Variants in NRG3 observed in about 807,000 individuals in gnomAD.
NRG3 encodes the protein neuregulin 3, also known as pro-neuregulin-3, membrane-bound isoform.
Under a neutral mutation model 66.9 loss-of-function variants are expected in NRG3, and 31 were observed. The ratio of observed to expected loss-of-function variants is 0.46; its 90% confidence interval spans 0.35 to 0.63. The LOEUF is 0.63. NRG3 is among the 20% of genes least tolerant of loss of function. The pLI, the probability that NRG3 is intolerant of heterozygous loss-of-function variation, is 0.00. For synonymous variants in NRG3, 393 were observed against 359.4 expected, an observed-to-expected ratio of 1.09 and a Z score of -1.06; for missense variants, 910 against 878.9, an observed-to-expected ratio of 1.04 and a Z score of -0.45.
chr10:82,891,505 T>C (rs1012726532), intron 4 of NRG3, among the ~76,000 whole-genome samples: 1 of 152,064 alleles, frequency 6.6e-6, no homozygotes. Flanking sequence ...TCACACATCC[T>C]TGTTAGATTT....
intron 1 of NRG3, among the ~76,000 whole-genome samples, chr10:81,883,065 G>T (rs1340891593): frequency 6.6e-6 from 1 of 152,046 alleles, no homozygotes; most frequent in Non-Finnish European, 1.5e-5. Flanking sequence ...GTGCCCTTTT[G>T]TGCCATCCCT....
At chr10:82,587,636 A>G (rs1238062895) in intron 2 of NRG3, among the ~76,000 whole-genome samples, 3 of 152,164 alleles carry the variant, frequency 2.0e-5, no homozygotes, top group Admixed American at 6.5e-5. Context: ...CTCTGGATGA[A>G]TGGAACAACT....
At chr10:81,952,054 C>G (rs926387656) in intron 1 of NRG3, among the ~76,000 whole-genome samples, 1 of 151,252 alleles carries the variant, frequency 6.6e-6, no homozygotes, top group African/African-American at 2.4e-5. Context: ...TTCTCCCTCA[C>G]AGGTGGGAAT....
intron 1 of NRG3, among the ~76,000 whole-genome samples, chr10:81,934,301 G>A (rs1164303150): frequency 1.3e-5 from 2 of 152,164 alleles, no homozygotes; most frequent in African/African-American, 4.8e-5. Flanking sequence ...ATGATCAGCT[G>A]GAGAAGAGGC....
chr10:82,267,425 C>T (rs1038891468), intron 1 of NRG3, among the ~76,000 whole-genome samples: 5 of 152,148 alleles, frequency 3.3e-5, no homozygotes, highest in African/African-American at 7.2e-5. Flanking sequence ...AGTGGCAGGT[C>T]TCAAGAAAGG....
intron 2 of NRG3, among the ~76,000 whole-genome samples, chr10:82,627,071 G>T (rs2049479501): frequency 6.6e-6 from 1 of 151,684 alleles, no homozygotes; most frequent in Admixed American, 6.6e-5. Flanking sequence ...ATTTTAATAA[G>T]GCTGCTCCTG....
At chr10:82,563,108 C>T (rs2045160949) in intron 2 of NRG3, among the ~76,000 whole-genome samples, 3 of 152,042 alleles carry the variant, frequency 2.0e-5, no homozygotes, top group African/African-American at 7.2e-5. Context: ...AACATGGCAT[C>T]CAGATCCATA....
intron 1 of NRG3, among the ~76,000 whole-genome samples, chr10:82,147,136 C>A (rs1246410778): frequency 6.6e-6 from 1 of 152,164 alleles, no homozygotes; most frequent in African/African-American, 2.4e-5. Context: ...TTGGAGTAAG[C>A]AGATACCAAG....
At chr10:82,513,293 T>C (rs1845364960) in intron 2 of NRG3, among the ~76,000 whole-genome samples, 1 of 152,222 alleles carries the variant, frequency 6.6e-6, no homozygotes, top group Admixed American at 6.5e-5. Flanking sequence ...ACTTCATTCC[T>C]TTTTATGGCT....
chr10:82,902,462 CT>C (rs544011276), intron 4 of NRG3, among the ~76,000 whole-genome samples: 4 of 151,796 alleles, frequency 2.6e-5, no homozygotes, highest in Non-Finnish European at 5.9e-5. Context: ...GTCAAGGGGT[CT>C]TTTTTTATGT....
chr10:82,189,381 G>A (rs2074000306), intron 1 of NRG3, among the ~76,000 whole-genome samples: 1 of 152,068 alleles, frequency 6.6e-6, no homozygotes, highest in Admixed American at 6.6e-5. Flanking sequence ...TTTAGGCCAG[G>A]CACAGTGACT....
intron 2 of NRG3, among the ~76,000 whole-genome samples, chr10:82,517,130 A>G (rs1204583056): frequency 2.0e-5 from 3 of 152,038 alleles, no homozygotes; most frequent in African/African-American, 7.2e-5. Flanking sequence ...TCTATCTGAC[A>G]GATTTTTTTT....
intron 1 of NRG3, among the ~76,000 whole-genome samples, chr10:82,351,868 C>T (rs2083455954): frequency 1.3e-5 from 2 of 152,222 alleles, no homozygotes; most frequent in Admixed American, 1.3e-4. Flanking sequence ...TCTGCTACTT[C>T]TCTGTCAATG....
At chr10:82,594,396 A>G (rs2047153179) in intron 2 of NRG3, among the ~76,000 whole-genome samples, 1 of 152,168 alleles carries the variant, frequency 6.6e-6, no homozygotes, top group African/African-American at 2.4e-5. Flanking sequence ...CCAGAAAGGC[A>G]TTGTTGCCAT....
intron 6 of NRG3, among the ~76,000 whole-genome samples, chr10:82,971,375 G>T (rs1851712619): frequency 6.6e-6 from 1 of 151,116 alleles, no homozygotes; most frequent in Admixed American, 6.6e-5. Context: ...CAATTCATAG[G>T]TAATTAAGTT....
chr10:81,996,827 A>G (rs1017495975), intron 1 of NRG3, among the ~76,000 whole-genome samples: 1 of 152,136 alleles, frequency 6.6e-6, no homozygotes, highest in Admixed American at 6.5e-5. Flanking sequence ...CATTTTCTAT[A>G]TCATCATTTT....
At chr10:82,425,567 A>T (rs1400511014) in intron 2 of NRG3, among the ~76,000 whole-genome samples, 1 of 152,144 alleles carries the variant, frequency 6.6e-6, no homozygotes, top group Non-Finnish European at 1.5e-5. Context: ...GTCTTGTTTT[A>T]ACGCATGCTT....
chr10:82,231,599 C>T (rs997932094), intron 1 of NRG3, among the ~76,000 whole-genome samples: 1 of 152,034 alleles, frequency 6.6e-6, no homozygotes, highest in Admixed American at 6.6e-5. Context: ...GTTATTTCCA[C>T]AAGAAATCAA....
chr10:82,019,553 A>T (rs1387394216), intron 1 of NRG3, among the ~76,000 whole-genome samples: 1 of 152,188 alleles, frequency 6.6e-6, no homozygotes, highest in Non-Finnish European at 1.5e-5. Context: ...TTCGGCTGTG[A>T]ATCCATCTGG....
Sources: allele counts gnomAD v4.1 joint callset (sites outside exome capture counted in the v4.1 genomes callset), GRCh38; gene constraint gnomAD v4.1.1; transcripts MANE v1.5; gene names NCBI Gene and HGNC (gene_info 2026-07-23, HGNC 2026-07-21).